The following LRP1B variants were observed in gnomAD, a reference collection of about 807,000 sequenced individuals.
LRP1B encodes LDL receptor related protein 1B, also known as low-density lipoprotein receptor-related protein 1B.
In LRP1B, 217 loss-of-function variants were observed where a neutral mutation model predicts 556.6. The observed-to-expected ratio is 0.39, with a 90% CI of 0.35 to 0.44. The LOEUF (loss-of-function observed/expected upper bound fraction) is 0.44, where lower values mean the gene tolerates loss of function less well. Among genes scored for constraint, LRP1B ranks in the 20% least tolerant of loss-of-function variants. The pLI, the probability that LRP1B is intolerant of heterozygous loss-of-function variation, is 1.00. For synonymous variants in LRP1B, 2,047 were observed against 1,865.8 expected, an observed-to-expected ratio of 1.10 and a Z score of -2.50; for missense variants, 5,053 against 5,620.8, an observed-to-expected ratio of 0.90 and a Z score of 3.23.
chr2:141,672,371 C>T (rs1363122469), intron 2 of LRP1B, among the ~76,000 whole-genome samples: 1 of 152,052 alleles, frequency 6.6e-6, no homozygotes, highest in Non-Finnish European at 1.5e-5. Context: ...CCAGAGTGTT[C>T]ACAAAGGGAA....
intron 7 of LRP1B, among the ~76,000 whole-genome samples, chr2:141,095,405 C>A (rs1421899796): frequency 1.1e-5 from 1 of 90,200 alleles, no homozygotes; most frequent in Non-Finnish European, 2.7e-5. Flanking sequence ...GGGTAGTAAT[C>A]GTAATGAAGT....
Position 141,113,410 on chromosome 2 carries a change from T to A in LRP1B, c.1014-51137A>T, listed in dbSNP as rs530798874. ...TTAAAACAAGAACTCACATGAAGTA[T>A]TTAGCCAACACAATGCTGAATAAAG... On this transcript the variant is annotated intron_variant, in intron 7 of 90. Coordinates refer to ENST00000389484, the MANE Select transcript of LRP1B (RefSeq NM_018557.3). Among the ~76,000 whole-genome samples the A allele has an allele frequency of 1.4e-4, 21 of 152,306 alleles. No individual in the cohort carries two copies. The South Asian group carries it at 2.7e-3, about 20-fold the overall frequency.
chr2:141,672,105 A>G (rs181260584), intron 2 of LRP1B, among the ~76,000 whole-genome samples: 157 of 152,306 alleles, frequency 1.0e-3, no homozygotes, highest in African/African-American at 3.6e-3. Flanking sequence ...ACCTAACCTC[A>G]TCTGGAAGGG....
intron 1 of LRP1B, among the ~76,000 whole-genome samples, chr2:142,076,138 A>T (rs1302132370): frequency 6.6e-6 from 1 of 152,134 alleles, no homozygotes; most frequent in Non-Finnish European, 1.5e-5. Flanking sequence ...ATGTTTTATG[A>T]CATCTGACAA....
At chr2:141,057,537 A>G (rs1699212317) in intron 9 of LRP1B, among the ~76,000 whole-genome samples, 1 of 151,852 alleles carries the variant, frequency 6.6e-6, no homozygotes, top group Admixed American at 6.6e-5. Flanking sequence ...AGGTAATTGA[A>G]TCATGGGGGC....
At chr2:142,079,446 A>C (rs986257361) in intron 1 of LRP1B, among the ~76,000 whole-genome samples, 2 of 152,184 alleles carry the variant, frequency 1.3e-5, no homozygotes, top group East Asian at 3.9e-4. Context: ...AATCTTAACC[A>C]AGTATTCAAA....
chr2:141,246,332 CA>C (rs1684068377), intron 5 of LRP1B, among the ~76,000 whole-genome samples: 1 of 152,126 alleles, frequency 6.6e-6, no homozygotes, highest in South Asian at 2.1e-4. Context: ...GACAAGGACA[CA>C]AGTGTGCTGG....
chr2:140,661,204 A>T (rs995103706), intron 41 of LRP1B, among the ~76,000 whole-genome samples: 9 of 152,138 alleles, frequency 5.9e-5, no homozygotes, highest in African/African-American at 9.7e-5. Context: ...TTGTACAGTC[A>T]CTGGGTAAAG....
chr2:141,726,739 A>C (rs758523842), intron 2 of LRP1B, among the ~76,000 whole-genome samples: 1 of 152,128 alleles, frequency 6.6e-6, no homozygotes, highest in African/African-American at 2.4e-5. Context: ...CCCCAGTGGA[A>C]TAACAGTATT....
At chr2:140,626,172 C>T (rs984540150) in intron 41 of LRP1B, among the ~76,000 whole-genome samples, 30 of 152,184 alleles carry the variant, frequency 2.0e-4, no homozygotes, top group Non-Finnish European at 7.4e-5. Context: ...TATGGCAAAC[C>T]TATGGAGGAA....
At chr2:141,230,979 G>T (rs562313956) in intron 5 of LRP1B, among the ~76,000 whole-genome samples, 18 of 152,194 alleles carry the variant, frequency 1.2e-4, no homozygotes, top group African/African-American at 4.1e-4. Context: ...ATTCAATACC[G>T]ATTTTCTGAA....
intron 60 of LRP1B, among the ~76,000 whole-genome samples, chr2:140,460,706 A>C (rs1687281868): frequency 4.6e-5 from 7 of 152,196 alleles, no homozygotes; most frequent in Admixed American, 4.6e-4. Flanking sequence ...TACTGACTAT[A>C]TATCTAAAGC....
chr2:141,341,539 C>A (rs1688055747), intron 3 of LRP1B, among the ~76,000 whole-genome samples: 1 of 152,166 alleles, frequency 6.6e-6, no homozygotes, highest in African/African-American at 2.4e-5. Context: ...TAATACACTT[C>A]TCTTCATGTT....
At chr2:141,265,930 C>T (rs1684869516) in intron 3 of LRP1B, among the ~76,000 whole-genome samples, 1 of 152,200 alleles carries the variant, frequency 6.6e-6, no homozygotes, top group Non-Finnish European at 1.5e-5. Context: ...GACTCTACGT[C>T]CTACCTCTCC....
chr2:140,670,209 A>G (rs1433142598), intron 41 of LRP1B, among the ~76,000 whole-genome samples: 1 of 152,178 alleles, frequency 6.6e-6, no homozygotes, highest in African/African-American at 2.4e-5. Flanking sequence ...CTTAAAATTA[A>G]TGTTTGCATT....
intron 2 of LRP1B, among the ~76,000 whole-genome samples, chr2:141,583,906 A>T (rs1373083780): frequency 2.1e-5 from 3 of 145,482 alleles, no homozygotes; most frequent in South Asian, 4.3e-4. Flanking sequence ...TGCCCGGCTA[A>T]TTTTTTTTTT....
At chr2:140,235,934 T>C (rs1018407417) in intron 89 of LRP1B, among the ~76,000 whole-genome samples, 4 of 151,060 alleles carry the variant, frequency 2.6e-5, no homozygotes, top group African/African-American at 4.8e-5. Flanking sequence ...TTATTTGTCT[T>C]TCTCCTTCAT....
Position 140,682,165 on chromosome 2 carries a change from C to T in LRP1B, c.6799+18085G>A, listed in dbSNP as rs553486880. On this transcript the variant is annotated intron_variant, in intron 41 of 90. Coordinates refer to ENST00000389484, the MANE Select transcript of LRP1B (RefSeq NM_018557.3). ...TTATTTGTCAGAGCTCATTATAATG[C>T]GACAGAATGGGCATTTAGGACCATC... Among the ~76,000 whole-genome samples, 6 of 152,258 alleles carry T rather than the reference C, an allele frequency of 3.9e-5. No individual in the cohort carries two copies. The South Asian group carries it at 1.0e-3, about 26-fold the overall frequency.
At chr2:140,700,797 A>T (rs1319114446) in intron 40 of LRP1B, among the ~76,000 whole-genome samples, 176 bp from the exon 41 acceptor site, 1 of 152,158 alleles carries the variant, frequency 6.6e-6, no homozygotes, top group African/African-American at 2.4e-5. Context: ...AAATCACAGC[A>T]GTTTAAATCT....
Sources: allele counts gnomAD v4.1 joint callset (sites outside exome capture counted in the v4.1 genomes callset), GRCh38; gene constraint gnomAD v4.1.1; transcripts MANE v1.5; gene names NCBI Gene and HGNC (gene_info 2026-07-23, HGNC 2026-07-21).